Variants in PLEKHM2 observed in about 807,000 individuals in gnomAD.
The protein encoded by PLEKHM2 is pleckstrin homology and RUN domain containing M2.
Under a neutral mutation model 116.3 loss-of-function variants are expected in PLEKHM2, and 77 were observed. The observed-to-expected ratio is 0.66, with a 90% CI of 0.55 to 0.80. The LOEUF is 0.80. Ranked by LOEUF, PLEKHM2 falls within the 30% of genes least tolerant of loss-of-function variation. PLEKHM2 has a pLI of 0.00. For missense variants in PLEKHM2, 1,183 were observed against 1,354.9 expected (o/e 0.87, Z 1.99); for synonymous variants, 562 against 571.0 (o/e 0.98, Z 0.22).
chr1:15,730,046 T>TGGGCGGGGCGGGGCGGGGCG (rs57687369), intron 14 of PLEKHM2, 117 bp downstream of exon 14: 8 of 164,488 alleles, frequency 4.9e-5, no homozygotes, highest in Admixed American at 2.7e-4. Flanking sequence ...ATCGCCTACC[T>TGGGCGGGGCGGGGCGGGGCG]GGGCGGGGCG....
In PLEKHM2 at chr1:15,731,183, C is replaced by T; in HGVS notation, c.2400-9C>T. On this transcript the variant is annotated splice_polypyrimidine_tract_variant and intron_variant, in intron 15 of 19. Transcript: ENST00000375799. ...CAGGCCTCACTCGCCCTGTGTTGTG[C>T]CCCTGCAGCAACGGGATCCTCTACC... 1.3e-6 allele frequency: 2 copies of T among 1,587,346 alleles called. No homozygotes were observed. The highest frequency in any genetic ancestry group is 1.7e-6 in the Non-Finnish European group (2 of 1,165,660).
chr1:15,684,668 C>A (rs760260944), intron 1 of PLEKHM2, 50 bp downstream of exon 1: 6 of 842,580 alleles, frequency 7.1e-6, no homozygotes, highest in South Asian at 5.0e-5. Context: ...CCGCGCCCCC[C>A]ACGCCCTCCG....
At chr1:15,730,345 G>A (rs1357248831) in intron 14 of PLEKHM2, among the ~76,000 whole-genome samples, 187 bp from the exon 15 acceptor site, 1 of 152,238 alleles carries the variant, frequency 6.6e-6, no homozygotes, top group Non-Finnish European at 1.5e-5. Context: ...GGGAGGCTGA[G>A]GCAGGAGAAT....
chr1:15,704,096 A>G (rs936891339), intron 1 of PLEKHM2, among the ~76,000 whole-genome samples: 1 of 151,958 alleles, frequency 6.6e-6, no homozygotes, highest in Non-Finnish European at 1.5e-5. Context: ...TTTTCTTCTG[A>G]TGACAACTTT....
Position 15,730,524 on chromosome 1 carries a change from C to G in PLEKHM2, c.2209-8C>G. The G allele has an allele frequency of 6.4e-7, 1 of 1,554,882 alleles. No individual in the cohort carries two copies. Among genetic ancestry groups the G allele is most frequent in the Non-Finnish European group, 8.7e-7 (1 of 1,149,196 alleles). On this transcript the variant is annotated splice_region_variant and splice_polypyrimidine_tract_variant and intron_variant, in intron 14 of 19. Coordinates refer to ENST00000375799, the MANE Select transcript of PLEKHM2 (RefSeq NM_015164.4). ...TTGCTTTGTCCCCCGTGCCCGCCCC[C>G]GCATCAGGCATCTGCTGTCACCGTG...
chr1:15,702,060 C>T (rs140277086), intron 1 of PLEKHM2, among the ~76,000 whole-genome samples: 531 of 152,344 alleles, frequency 3.5e-3, no homozygotes, highest in African/African-American at 0.011. Flanking sequence ...AGGTAAATGA[C>T]AGCAGGTAGC....
Position 15,727,799 on chromosome 1 carries a change from G to T in PLEKHM2, c.1727G>T (p.Ser576Ile). 2 of 1,597,914 alleles carry T rather than the reference G, an allele frequency of 1.3e-6. No homozygotes were observed. Among genetic ancestry groups the T allele is most frequent in the Non-Finnish European group, 1.7e-6 (2 of 1,172,702 alleles). ...EDSGVDEGQG[S>I]PSEMVHSSEF... ...TCTGGGGTGGATGAGGGACAGGGGA[G>T]CCCTTCGGAGATGGTCCATTCCTCG... is the stretch of plus-strand genomic sequence containing the variant. Residue 576 changes from serine to isoleucine, a missense_variant, in exon 9 of 20, where the codon AGC becomes ATC. Physicochemically the swap from Ser to Ile is moderately radical, Grantham distance 142. This residue lies in a region of PLEKHM2 where 594 missense variants were observed against 720.1 expected (regional missense o/e 0.82). Coordinates refer to ENST00000375799, the MANE Select transcript of PLEKHM2 (RefSeq NM_015164.4). This position sits in a 1 kb window ranked among gnomAD's most constrained non-coding sequence, Gnocchi z 7.5.
In PLEKHM2 at chr1:15,719,647, G is replaced by T; in HGVS notation, c.466-87G>T. ...ATTGATTTCCCAAAGAGGCACATCT[G>T]TGTCTCCCAGGCCTGGATCCTGCTG... is the stretch of plus-strand genomic sequence containing the variant. On this transcript the variant is annotated intron_variant, in intron 5 of 19. Coordinates refer to ENST00000375799, the MANE Select transcript of PLEKHM2 (RefSeq NM_015164.4). The surrounding 1 kb of genome is among the most constrained non-coding windows in gnomAD (Gnocchi z 4.1). 2.4e-6 allele frequency: 2 copies of T among 834,208 alleles called. No homozygotes were observed. The highest frequency in any genetic ancestry group is 2.5e-5 in the East Asian group (1 of 39,926). The allele number at this position is 834,208 out of a possible 1,614,324, so 51.7% of individuals were successfully genotyped here. A position where few individuals can be genotyped will look rare whatever the true frequency, so the allele number is the denominator to read the frequency against.
chr1:15,721,532 G>A lies in PLEKHM2; in HGVS notation c.712+144G>A, dbSNP rs926016340. The A allele has an allele frequency of 1.7e-6, 1 of 580,698 alleles. No homozygotes were observed. The highest frequency in any genetic ancestry group is 3.0e-6 in the Non-Finnish European group (1 of 332,670). 36.0% of individuals were successfully genotyped at this position (580,698 alleles called of 1,614,324 possible). ...GCCAAGTTTGGTGTTCTAATAGATG[G>A]AATTCTGCAGTGGGAAAACTCAACC... On this transcript the variant is annotated intron_variant, in intron 7 of 19. Coordinates refer to ENST00000375799, the MANE Select transcript of PLEKHM2 (RefSeq NM_015164.4). The surrounding 1 kb of genome is among the most constrained non-coding windows in gnomAD (Gnocchi z 5.1).
rs760660705 is a variant in PLEKHM2, at chr1:15,719,726, C to T, written c.466-8C>T. On this transcript the variant is annotated splice_region_variant and splice_polypyrimidine_tract_variant and intron_variant, in intron 5 of 19. Transcript: ENST00000375799. This position sits in a 1 kb window ranked among gnomAD's most constrained non-coding sequence, Gnocchi z 4.1. ...CCACCAAACGGGCCTCCTCTACTCT[C>T]TCCTCAGGATGCCCCTTACCTAGAC... 2 of 1,606,680 alleles carry T rather than the reference C, an allele frequency of 1.2e-6. No homozygotes were observed. Among genetic ancestry groups the T allele is most frequent in the South Asian group, 2.2e-5 (2 of 89,990 alleles).
chr1:15,688,564 G>T (rs751236336), intron 1 of PLEKHM2, among the ~76,000 whole-genome samples: 1 of 150,374 alleles, frequency 6.7e-6, no homozygotes, highest in African/African-American at 2.4e-5. Context: ...AGGCAGGGAA[G>T]CACTTGACCT....
In PLEKHM2 at chr1:15,732,058, G is replaced by GC; in HGVS notation, c.2625+12dup. On this transcript the variant is annotated intron_variant, in intron 17 of 19. Coordinates refer to ENST00000375799, the MANE Select transcript of PLEKHM2 (RefSeq NM_015164.4). ...GGCTGTGTCCAAAGGGGTGAGCTTCGCCTGCCCCTACCGCTCACCTGGCTT... is the reference window on the plus strand; with the variant it reads ...GGCTGTGTCCAAAGGGGTGAGCTTCGCCCTGCCCCTACCGCTCACCTGGCTT... 6.3e-7 allele frequency: 1 copy of GC among 1,594,050 alleles called. No individual in the cohort carries two copies. Among genetic ancestry groups the GC allele is most frequent in the Non-Finnish European group, 8.5e-7 (1 of 1,171,856 alleles).
At chr1:15,693,859 G>A (rs1017610546) in intron 1 of PLEKHM2, among the ~76,000 whole-genome samples, 3 of 152,202 alleles carry the variant, frequency 2.0e-5, no homozygotes, top group African/African-American at 7.2e-5. Context: ...GGAGAAGAAG[G>A]TTGGCATTTG....
chr1:15,729,912 C>T lies in PLEKHM2; in HGVS notation c.2191C>T (p.Gln731Ter), dbSNP rs1172061837. ...GCTGGCACTGGCCAAATTTGTGGCC[C>T]AAGAATCGAAGTGTGAGGTAAGAAC... ...EKLALAKFVA[Q>*]ESKCEASAVT... Residue 731 changes from glutamine to a stop codon, truncating the protein, a stop_gained, in exon 14 of 20, where the codon CAA (glutamine) becomes TAA (stop). Coordinates refer to ENST00000375799, the MANE Select transcript of PLEKHM2 (RefSeq NM_015164.4). LOFTEE classifies it high-confidence loss of function. This position sits in a 1 kb window ranked among gnomAD's most constrained non-coding sequence, Gnocchi z 4.7. The T allele has an allele frequency of 6.2e-7, 1 of 1,612,310 alleles. No homozygotes were observed. Among genetic ancestry groups the T allele is most frequent in the Non-Finnish European group, 8.5e-7 (1 of 1,179,608 alleles).
At chr1:15,724,803 T>G (rs1430344250) in intron 7 of PLEKHM2, among the ~76,000 whole-genome samples, 1 of 152,172 alleles carries the variant, frequency 6.6e-6, no homozygotes, top group African/African-American at 2.4e-5. Flanking sequence ...CCCTTTGTGT[T>G]CCTTTTACCT....
chr1:15,706,377 T>A (rs1641226437), intron 1 of PLEKHM2, among the ~76,000 whole-genome samples: 1 of 150,014 alleles, frequency 6.7e-6, no homozygotes, highest in Non-Finnish European at 1.5e-5. Context: ...CTCAGGGAGA[T>A]CTTCTTGGCT....
Position 15,729,825 on chromosome 1 carries a change from A to G in PLEKHM2, c.2104A>G (p.Met702Val), listed in dbSNP as rs755894108. ...EFFLASLKSA[M>V]IKGCREPPYP... ...CTTTTTGGCTTCTTTGAAGTCAGCC[A>G]TGATCAAAGGCTGTCGAGAACCTCC... The change falls in exon 14 of 20, where the codon ATG (methionine) becomes GTG (valine). Residue 702 changes from methionine (M) to valine (V), a missense_variant. Around this residue, in one of 3 missense-constraint regions of PLEKHM2, gnomAD observed 594 missense variants for 720.1 expected, o/e 0.82. Coordinates refer to ENST00000375799, the MANE Select transcript of PLEKHM2 (RefSeq NM_015164.4). The surrounding 1 kb of genome is among the most constrained non-coding windows in gnomAD (Gnocchi z 4.7). 1 of 1,613,200 alleles carries G rather than the reference A, an allele frequency of 6.2e-7. No individual in the cohort carries two copies. Among genetic ancestry groups the G allele is most frequent in the Non-Finnish European group, 8.5e-7 (1 of 1,179,618 alleles).
intron 1 of PLEKHM2, among the ~76,000 whole-genome samples, chr1:15,713,641 G>GT (rs1413431376): frequency 3.4e-5 from 5 of 145,964 alleles, no homozygotes; most frequent in Admixed American, 6.7e-5. Context: ...TTTGTTTTTT[G>GT]TTTTTTGTTT....
chr1:15,695,025 TG>T (rs769928056), intron 1 of PLEKHM2, among the ~76,000 whole-genome samples: 9 of 152,220 alleles, frequency 5.9e-5, no homozygotes, highest in Non-Finnish European at 1.3e-4. Flanking sequence ...CCCAAAGTCC[TG>T]GGCTTATAGG....
Sources: allele counts gnomAD v4.1 joint callset (sites outside exome capture counted in the v4.1 genomes callset), GRCh38; gene constraint gnomAD v4.1.1; regional missense constraint gnomAD v4.1.1; non-coding constraint Gnocchi (gnomAD v3.1); transcripts MANE v1.5; gene names NCBI Gene and HGNC (gene_info 2026-07-23, HGNC 2026-07-21).